Variants in GPM6A observed in about 807,000 individuals in gnomAD.
GPM6A encodes the protein glycoprotein M6A.
A neutral mutation model predicts 32.1 loss-of-function variants in GPM6A; 7 were observed. That is an observed-to-expected ratio of 0.22 (90% CI 0.12 to 0.41). GPM6A has a LOEUF of 0.41. Among genes scored for constraint, GPM6A ranks in the 10% least tolerant of loss-of-function variants. The probability of loss-of-function intolerance (pLI) is 1.00; values close to 1 mark genes in which losing one functional copy is unlikely to be tolerated. For missense variants in GPM6A, 235 were observed against 347.2 expected (o/e 0.68, Z 2.57); for synonymous variants, 130 against 123.4 (o/e 1.05, Z -0.35).
chr4:175,926,342 T>C (rs13353724), intron 1 of GPM6A, among the ~76,000 whole-genome samples: 5,260 of 152,220 alleles, frequency 0.035, 329 homozygotes, highest in African/African-American at 0.12. Flanking sequence ...AAAACACGCA[T>C]AAGATCAAGG....
intron 1 of GPM6A, among the ~76,000 whole-genome samples, chr4:175,927,701 A>G (rs749481194): frequency 6.6e-6 from 1 of 152,222 alleles, no homozygotes; most frequent in African/African-American, 2.4e-5. Flanking sequence ...CCTGGACAAC[A>G]TGGTGAAACA....
intron 1 of GPM6A, among the ~76,000 whole-genome samples, chr4:175,724,039 A>G (rs931274677): frequency 1.0e-3 from 155 of 152,314 alleles, no homozygotes; most frequent in African/African-American, 3.6e-3. Context: ...CATTATTCAC[A>G]GCAACCAAGA....
intron 1 of GPM6A, among the ~76,000 whole-genome samples, chr4:175,725,180 A>G (rs1413171138): frequency 6.6e-5 from 10 of 152,310 alleles, no homozygotes; most frequent in Admixed American, 1.3e-4. Context: ...ATACATGTAT[A>G]GTAATTAGAA....
intron 1 of GPM6A, among the ~76,000 whole-genome samples, chr4:175,869,842 G>C (rs1252065022): frequency 6.6e-6 from 1 of 151,966 alleles, no homozygotes; most frequent in Non-Finnish European, 1.5e-5. Context: ...CAATTCACAA[G>C]TTCTAGACCT....
chr4:175,822,923 A>G (rs1489979118), intron 1 of GPM6A, among the ~76,000 whole-genome samples: 1 of 152,118 alleles, frequency 6.6e-6, no homozygotes, highest in Non-Finnish European at 1.5e-5. Flanking sequence ...CTTTTTATAT[A>G]GGTACAATAT....
At chr4:175,741,696 G>A (rs1731894649) in intron 1 of GPM6A, among the ~76,000 whole-genome samples, 1 of 152,054 alleles carries the variant, frequency 6.6e-6, no homozygotes, top group African/African-American at 2.4e-5. Flanking sequence ...CTAGAATCTT[G>A]CAACCCAGGA....
intron 3 of GPM6A, among the ~76,000 whole-genome samples, chr4:175,656,719 T>C (rs1742106741): frequency 6.6e-6 from 1 of 152,182 alleles, no homozygotes; most frequent in Non-Finnish European, 1.5e-5. Flanking sequence ...TTAGACTTAA[T>C]GTCTAAGAAA....
At chr4:175,663,733 G>A (rs1308052195) in intron 3 of GPM6A, among the ~76,000 whole-genome samples, 10 of 144,020 alleles carry the variant, frequency 6.9e-5, no homozygotes, top group Non-Finnish European at 1.2e-4. Context: ...TCGCTTTGTC[G>A]CCCAGGCTGG....
At chr4:175,846,953 A>G (rs541151164) in intron 1 of GPM6A, among the ~76,000 whole-genome samples, 1 of 152,290 alleles carries the variant, frequency 6.6e-6, no homozygotes, top group South Asian at 2.1e-4. Context: ...AAAAACAAAT[A>G]AGAATTTTGG....
intron 1 of GPM6A, among the ~76,000 whole-genome samples, chr4:175,920,011 C>A (rs974274806): frequency 5.9e-5 from 9 of 152,248 alleles, no homozygotes; most frequent in Non-Finnish European, 1.0e-4. Flanking sequence ...TTCCTTCTAT[C>A]TTCTCATGTC....
chr4:175,812,828 CTG>C (rs1020989514), upstream of GPM6A: 50 of 985,226 alleles, frequency 5.1e-5, no homozygotes, highest in Non-Finnish European at 4.7e-5. Flanking sequence ...TGCAAAAAAA[CTG>C]TGTTTTCCTT....
intron 4 of GPM6A, among the ~76,000 whole-genome samples, chr4:175,644,526 T>G (rs1463000105): frequency 6.6e-6 from 1 of 151,790 alleles, no homozygotes; most frequent in Non-Finnish European, 1.5e-5. Context: ...ATATTAAAAA[T>G]TAACTGTAGT....
intron 1 of GPM6A, among the ~76,000 whole-genome samples, chr4:175,824,151 T>C (rs1407401171): frequency 6.6e-6 from 1 of 152,202 alleles, no homozygotes; most frequent in East Asian, 1.9e-4. Flanking sequence ...TTATTGGCCC[T>C]GACATATGGT....
At chr4:176,001,615 C>G (rs977653135) in intron 1 of GPM6A, among the ~76,000 whole-genome samples, 1 of 152,176 alleles carries the variant, frequency 6.6e-6, no homozygotes, top group Non-Finnish European at 1.5e-5. Context: ...AGCTGAACTG[C>G]GCCGAACTCC....
rs111494144 is a variant in GPM6A, at chr4:175,737,345, C to T, written c.38-35578G>A. ...ATAATCCTGCACGCCCGTAATCCTG[C>T]ACGCCTGTAATCCTGTACGCCTGTA... On this transcript the variant is annotated intron_variant, in intron 1 of 6. Coordinates refer to ENST00000393658, the MANE Select transcript of GPM6A (RefSeq NM_201591.3). Among the ~76,000 whole-genome samples, 10 of 151,872 alleles carry T rather than the reference C, an allele frequency of 6.6e-5. 1 individual carries two copies. Among genetic ancestry groups the T allele is most frequent in the African/African-American group, 2.4e-4 (10 of 41,362 alleles).
intron 2 of GPM6A, among the ~76,000 whole-genome samples, chr4:175,695,164 T>C (rs1012999391): frequency 2.6e-5 from 4 of 152,182 alleles, no homozygotes; most frequent in African/African-American, 9.7e-5. Flanking sequence ...GCTTCAGAGT[T>C]GGAGCTCTCA....
intron 1 of GPM6A, among the ~76,000 whole-genome samples, chr4:175,930,244 C>T (rs1176422876): frequency 6.6e-6 from 1 of 152,032 alleles, no homozygotes; most frequent in African/African-American, 2.4e-5. Context: ...TGCTTGGAAA[C>T]AGCATTAGCA....
At chr4:175,647,743 A>G (rs1329851114) in intron 4 of GPM6A, among the ~76,000 whole-genome samples, 2 of 152,194 alleles carry the variant, frequency 1.3e-5, no homozygotes. Context: ...TTTGATGAAT[A>G]TTAGTAAATT....
intron 1 of GPM6A, among the ~76,000 whole-genome samples, chr4:175,789,445 C>G (rs1268077470): frequency 6.6e-6 from 1 of 152,082 alleles, no homozygotes; most frequent in Non-Finnish European, 1.5e-5. Context: ...CCATTATGTT[C>G]AATTTATCTT....
Sources: gnomAD v4.1 joint callset for allele counts (sites outside exome capture counted in the v4.1 genomes callset) on GRCh38, gnomAD v4.1.1 for gene constraint, MANE v1.5 for transcripts, NCBI Gene and HGNC (gene_info 2026-07-23, HGNC 2026-07-21) for gene names.